MPV17: variants seen among roughly 807,000 people sequenced by gnomAD.
The protein encoded by MPV17 is mitochondrial inner membrane protein MPV17.
MPV17 carries 31 observed loss-of-function variants against 28.6 expected under a neutral mutation model. The ratio of observed to expected loss-of-function variants is 1.08; its 90% confidence interval spans 0.81 to 1.46. The LOEUF (loss-of-function observed/expected upper bound fraction) is 1.46. Among genes scored for constraint, MPV17 ranks in the 40% most tolerant of loss-of-function variants. MPV17 has a pLI of 0.00. For missense variants in MPV17, 198 were observed against 216.2 expected (o/e 0.92, Z 0.53); for synonymous variants, 87 against 85.3 (o/e 1.02, Z -0.11).
intron 2 of MPV17, chr2:27,321,823 T>G (rs1347976620): frequency 6.4e-6 from 1 of 155,308 alleles, no homozygotes; most frequent in Non-Finnish European, 1.4e-5. Flanking sequence ...ATTTAGGCAG[T>G]AAATGATAAC....
intron 2 of MPV17, among the ~76,000 whole-genome samples, chr2:27,319,925 CAA>C (rs780007083): frequency 4.5e-4 from 42 of 93,620 alleles, no homozygotes; most frequent in Non-Finnish European, 4.3e-4. Context: ...CACCTTATCT[CAA>C]AAAAAAAAAA....
chr2:27,319,027 A>C (rs1679760296), intron 2 of MPV17, among the ~76,000 whole-genome samples: 1 of 151,990 alleles, frequency 6.6e-6, no homozygotes, highest in South Asian at 2.1e-4. Flanking sequence ...AGCCTCCCAA[A>C]GTGCTGGGAT....
chr2:27,309,804 G>A lies in MPV17; in HGVS notation c.*108C>T, dbSNP rs181227313. On this transcript the variant is annotated 3_prime_UTR_variant, in exon 8 of 8. Transcript: ENST00000380044. The stretch of plus-strand genomic sequence containing the variant: ...GTGCTAGTCCTCTTAAGCTCTGACC[G>A]GCAACCCAACCCCGTGGAAACTGGT... 12 of 881,234 alleles carry A rather than the reference G, an allele frequency of 1.4e-5. No individual in the cohort carries two copies. Among genetic ancestry groups the A allele is most frequent in the Admixed American group, 1.9e-5 (1 of 51,574 alleles). The allele number at this position is 881,234 out of a possible 1,614,324, so 54.6% of individuals were successfully genotyped here.
At chr2:27,316,848 A>AT in intron 2 of MPV17, 1 of 454,862 alleles carries the variant, frequency 2.2e-6, no homozygotes, top group East Asian at 3.8e-5. Context: ...CGTGGAGCCC[A>AT]GCGAGCAGAT....
At chr2:27,315,827 G>T in intron 2 of MPV17, 2 of 1,147,828 alleles carry the variant, frequency 1.7e-6, no homozygotes, top group Non-Finnish European at 2.2e-6. Flanking sequence ...CGCCCAAAGT[G>T]TTGGGATTAT....
intron 2 of MPV17, among the ~76,000 whole-genome samples, chr2:27,321,275 C>T (rs917257269): frequency 3.3e-5 from 5 of 152,214 alleles, no homozygotes; most frequent in African/African-American, 7.2e-5. Flanking sequence ...TCACCACACA[C>T]GTAGCCAGGT....
intron 2 of MPV17, among the ~76,000 whole-genome samples, chr2:27,314,241 G>A (rs1325161280): frequency 6.6e-6 from 1 of 152,072 alleles, no homozygotes; most frequent in Admixed American, 6.6e-5. Flanking sequence ...GAAGTAGGAG[G>A]ACTGTTTGAG....
At chr2:27,315,901 G>GT in intron 2 of MPV17, 2 of 1,426,646 alleles carry the variant, frequency 1.4e-6, no homozygotes, top group Non-Finnish European at 1.8e-6. Flanking sequence ...GAGATGAGAT[G>GT]ACTTGGTAAG....
At position 27,317,193 on chromosome 2, in the gene MPV17, T is replaced by C. The variant is rs1371823899; in HGVS notation, c.71-4084A>G. The C allele has an allele frequency of 9.0e-6, 14 of 1,550,290 alleles. No homozygotes were observed. The highest frequency in any genetic ancestry group is 1.2e-5 in the Non-Finnish European group (14 of 1,146,948). On this transcript the variant is annotated intron_variant, in intron 2 of 7. Coordinates refer to ENST00000380044, the MANE Select transcript of MPV17 (RefSeq NM_002437.5). This position sits in a 1 kb window ranked among gnomAD's most constrained non-coding sequence, Gnocchi z 4.0. Reference sequence around the variant, plus strand: ...GGAGGCCTGGGTCGGCAGGTATAGCTACTGGCATGGGGCCAGCAGTGCTGC... The same window carrying C: ...GGAGGCCTGGGTCGGCAGGTATAGCCACTGGCATGGGGCCAGCAGTGCTGC...
chr2:27,322,628 T>A, intron 1 of MPV17, 106 bp from the exon 2 acceptor site: 1 of 919,360 alleles, frequency 1.1e-6, no homozygotes, highest in African/African-American at 1.6e-5. Flanking sequence ...CCACTTCCAA[T>A]GTGACTTAAA....
chr2:27,309,890 G>A lies in MPV17; in HGVS notation c.*22C>T, dbSNP rs1032827585. On this transcript the variant is annotated 3_prime_UTR_variant, in exon 8 of 8. Transcript: ENST00000380044. ...GGTCAAGCTGCATCACTGCAAGGTG[G>A]AAACGATGGAGTGAGGCAGGCTTAG... 1 of 1,605,242 alleles carries A rather than the reference G, an allele frequency of 6.2e-7. No individual in the cohort carries two copies. Among genetic ancestry groups the A allele is most frequent in the Non-Finnish European group, 8.5e-7 (1 of 1,171,874 alleles).
chr2:27,322,725 TG>T (rs1306886612), intron 1 of MPV17, among the ~76,000 whole-genome samples: 1 of 152,204 alleles, frequency 6.6e-6, no homozygotes, highest in African/African-American at 2.4e-5. Flanking sequence ...AGAAAGGCTG[TG>T]GGAAGCTATG....
intron 2 of MPV17, chr2:27,316,968 A>G: frequency 1.8e-6 from 2 of 1,082,910 alleles, no homozygotes; most frequent in Non-Finnish European, 2.6e-6. Flanking sequence ...GAGCAGATCA[A>G]TTTGGGACCA....
chr2:27,322,594 C>T, intron 1 of MPV17, 72 bp from the exon 2 acceptor site: 3 of 1,210,810 alleles, frequency 2.5e-6, no homozygotes, highest in Non-Finnish European at 3.7e-6. Context: ...CTGACATTCC[C>T]TTGTGCCCAC....
intron 2 of MPV17, among the ~76,000 whole-genome samples, chr2:27,315,131 C>G (rs1484671609): frequency 6.6e-6 from 1 of 152,248 alleles, no homozygotes; most frequent in Non-Finnish European, 1.5e-5. Flanking sequence ...GTTATCCCAT[C>G]CCCTCACCAT....
At chr2:27,312,095 T>C in intron 6 of MPV17, 119 bp downstream of exon 6, 1 of 1,457,304 alleles carries the variant, frequency 6.9e-7, no homozygotes, top group Non-Finnish European at 9.6e-7. Flanking sequence ...GTGCCCATCC[T>C]GGGAATGAAA....
In MPV17 at chr2:27,311,555, C is replaced by T; in HGVS notation, c.461+344G>A. On this transcript the variant is annotated intron_variant, in intron 7 of 7. Coordinates refer to ENST00000380044, the MANE Select transcript of MPV17 (RefSeq NM_002437.5). ...AGTGTCTGACCAGGCTCCTACTTGG[C>T]CTTCTGGTCTACCTCTCTGTCTAAC... 6 of 1,543,344 alleles carry T rather than the reference C, an allele frequency of 3.9e-6. No homozygotes were observed. The South Asian group carries it at 4.8e-5, about 12-fold the overall frequency.
At chr2:27,313,168 G>A (rs1679525892) in intron 2 of MPV17, 59 bp from the exon 3 acceptor site, 6 of 1,612,772 alleles carry the variant, frequency 3.7e-6, no homozygotes, top group East Asian at 2.2e-5. Context: ...CCATTCCAAG[G>A]AGGGAGGGAC....
intron 2 of MPV17, chr2:27,316,259 C>T: frequency 6.5e-7 from 1 of 1,527,212 alleles, no homozygotes; most frequent in Non-Finnish European, 8.9e-7. Context: ...AAGCTAGAGG[C>T]AGAGCTGGAA....
Sources: allele counts gnomAD v4.1 joint callset (sites outside exome capture counted in the v4.1 genomes callset), GRCh38; gene constraint gnomAD v4.1.1; non-coding constraint Gnocchi (gnomAD v3.1); transcripts MANE v1.5; gene names NCBI Gene and HGNC (gene_info 2026-07-23, HGNC 2026-07-21).